Variants in MYO1H observed in about 807,000 individuals in gnomAD.
MYO1H encodes myosin IH.
In MYO1H, 118 loss-of-function variants were observed where a neutral mutation model predicts 149.3. That is an observed-to-expected ratio of 0.79 (90% CI 0.68 to 0.92). The LOEUF is 0.92. MYO1H is among the 40% of genes least tolerant of loss of function. The probability of loss-of-function intolerance (pLI) is 0.00; values close to 1 mark genes in which losing one functional copy is unlikely to be tolerated. For missense variants in MYO1H, 1,212 were observed against 1,280.7 expected, an observed-to-expected ratio of 0.95 and a Z score of 0.82; for synonymous variants, 447 against 465.2, an observed-to-expected ratio of 0.96 and a Z score of 0.50.
At chr12:109,323,109 A>G in the MYO1H span, among the ~76,000 whole-genome samples, 2 of 152,154 alleles carry the variant, frequency 1.3e-5, no homozygotes, top group South Asian at 4.1e-4. Flanking sequence ...TGTCTCAAAA[A>G]CAAAAAACAA....
At position 109,401,375 on chromosome 12, in the gene MYO1H, T is replaced by C. The variant is rs1321885046; in HGVS notation, c.750+103T>C. 4 of 1,198,620 alleles carry C rather than the reference T, an allele frequency of 3.3e-6. No individual in the cohort carries two copies. In the African/African-American group the frequency reaches 6.1e-5, roughly 18 times the overall value. The allele number at this position is 1,198,620 out of a possible 1,614,324, so 74.2% of individuals were successfully genotyped here. A position where few individuals can be genotyped will look rare whatever the true frequency, so the allele number is the denominator to read the frequency against. On this transcript the variant is annotated intron_variant, in intron 6 of 31. Coordinates refer to ENST00000310903, the Ensembl canonical transcript of MYO1H. ...TGTTTGAGACATTCTATTACCATCC[T>C]GCTATGTGTCCTATTGGCTGATTTC...
chr12:109,326,170 G>A, the MYO1H span, among the ~76,000 whole-genome samples: 9 of 152,314 alleles, frequency 5.9e-5, no homozygotes, highest in East Asian at 3.9e-4. Flanking sequence ...CTGGCCTGCC[G>A]GTGCCTGTCC....
intron 1 of MYO1H, among the ~76,000 whole-genome samples, chr12:109,362,019 G>T (rs1868765253): frequency 6.6e-6 from 1 of 151,970 alleles, no homozygotes; most frequent in Non-Finnish European, 1.5e-5. Context: ...CGCAGCCATG[G>T]GAGTCATTAA....
chr12:109,411,211 C>G (rs770957002), intron 13 of MYO1H, among the ~76,000 whole-genome samples: 11 of 152,272 alleles, frequency 7.2e-5, no homozygotes, highest in Non-Finnish European at 1.5e-4. Flanking sequence ...TCAAGCAGTC[C>G]TCCCACATCA....
Position 109,405,981 on chromosome 12 carries a change from C to T in MYO1H, c.909C>T (p.Asp303=), listed in dbSNP as rs768193927. 58 of 1,613,646 alleles carry T rather than the reference C, an allele frequency of 3.6e-5. No homozygotes were observed. The highest frequency in any genetic ancestry group is 1.6e-4 in the South Asian group (15 of 91,076). Residue 303 remains aspartate, a synonymous_variant, in exon 8 of 32, where the codon GAC becomes GAT. Transcript: ENST00000310903. ...TGGGGAACATTGGTTTTGAAGAAGA[C>T]GACCAAGGCTGTGCCACTATCCCAG...
intron 23 of MYO1H, 64 bp from the exon 24 acceptor site, chr12:109,439,567 G>A (rs1872023213): frequency 5.3e-6 from 8 of 1,508,194 alleles, no homozygotes; most frequent in Non-Finnish European, 6.3e-6. Context: ...AAAGAAGGGG[G>A]AAGAGAATGT....
In MYO1H at chr12:109,447,140, A is replaced by T. The variant is rs1420011144; in HGVS notation, c.3094-19A>T. 3 of 1,594,354 alleles carry T rather than the reference A, an allele frequency of 1.9e-6. No individual in the cohort carries two copies. In the Admixed American group the frequency reaches 5.2e-5, roughly 28 times the overall value. On this transcript the variant is annotated intron_variant, in intron 31 of 31. Coordinates refer to ENST00000310903, the Ensembl canonical transcript of MYO1H. ...GGGAGCGGGGAAGGGCTGTAAACCG[A>T]AGTGTGACTCTCTCCCAGGTGTCAG...
Position 109,439,670 on chromosome 12 carries a change from T to A in MYO1H, c.2334T>A (p.Cys778Ter). ...TCATCAGTCGCAACAAACCCCTCTGTCCTGACAACGAGGAATTTATCGTGT... is the reference window on the plus strand; with the variant it reads ...TCATCAGTCGCAACAAACCCCTCTGACCTGACAACGAGGAATTTATCGTGT... Residue 778 changes from cysteine (C) to a stop codon, truncating the protein, a stop_gained, in exon 24 of 32, where the codon TGT becomes TGA. Coordinates refer to ENST00000310903, the Ensembl canonical transcript of MYO1H. LOFTEE classifies it high-confidence loss of function. The A allele has an allele frequency of 6.2e-7, 1 of 1,613,748 alleles. No homozygotes were observed. Among genetic ancestry groups the A allele is most frequent in the East Asian group, 2.2e-5 (1 of 44,886 alleles).
intron 30 of MYO1H, 123 bp from the exon 31 acceptor site, chr12:109,445,388 CTG>C (rs1872436843): frequency 1.4e-6 from 1 of 737,210 alleles, no homozygotes; most frequent in African/African-American, 1.8e-5. Context: ...CAATAAAACA[CTG>C]TAATAAAACA....
At chr12:109,380,435 CT>C (rs1869180879) in intron 1 of MYO1H, among the ~76,000 whole-genome samples, 2 of 152,052 alleles carry the variant, frequency 1.3e-5, no homozygotes, top group African/African-American at 4.8e-5. Flanking sequence ...TCAAGGGAAC[CT>C]AAAAAACACA....
chr12:109,334,064 C>T, the MYO1H span, among the ~76,000 whole-genome samples: 2,125 of 151,954 alleles, frequency 0.014, 16 homozygotes, highest in Non-Finnish European at 0.023. Flanking sequence ...TCGCCCAGGC[C>T]GGAGTACAGT....
intron 1 of MYO1H, among the ~76,000 whole-genome samples, chr12:109,385,201 C>T (rs1227484275): frequency 2.6e-5 from 4 of 151,816 alleles, no homozygotes; most frequent in African/African-American, 7.3e-5. Flanking sequence ...TGGAAATGCT[C>T]GTGTTCCAAC....
At chr12:109,370,118 C>T (rs1868951447) in intron 1 of MYO1H, among the ~76,000 whole-genome samples, 1 of 152,152 alleles carries the variant, frequency 6.6e-6, no homozygotes, top group Admixed American at 6.5e-5. Flanking sequence ...GTGGGAGCTA[C>T]AACTCAAGAT....
At chr12:109,447,189 A>G (rs760468103) in exon 32 of MYO1H, 1 of 1,594,660 alleles carries the variant, frequency 6.3e-7, no homozygotes, top group Non-Finnish European at 8.5e-7. Context: ...CTGATAGAGG[A>G]TGACGTCTGA....
intron 1 of MYO1H, among the ~76,000 whole-genome samples, chr12:109,362,205 G>T (rs987188489): frequency 6.6e-6 from 1 of 152,180 alleles, no homozygotes; most frequent in Admixed American, 6.5e-5. Context: ...ACATAAACAT[G>T]AGCTGTGTGT....
chr12:109,442,796 T>TAG (rs749860118), intron 27 of MYO1H, among the ~76,000 whole-genome samples: 2 of 89,820 alleles, frequency 2.2e-5, no homozygotes, highest in Non-Finnish European at 4.6e-5. Flanking sequence ...GTGTCTGCTC[T>TAG]TTTTTTTTTT....
intron 15 of MYO1H, among the ~76,000 whole-genome samples, chr12:109,418,052 A>C (rs11066529): frequency 0.067 from 10,195 of 151,066 alleles, 378 homozygotes; most frequent in South Asian, 0.11. Flanking sequence ...TCCTGACCTC[A>C]TGATCCACCC....
chr12:109,436,861 C>T (rs767863192), intron 22 of MYO1H, among the ~76,000 whole-genome samples: 3 of 151,962 alleles, frequency 2.0e-5, no homozygotes, highest in Non-Finnish European at 4.4e-5. Context: ...GGCTGAGGCG[C>T]GTGGATTACT....
chr12:109,443,124 ACGTATATATGTG>A (rs1566044947), intron 27 of MYO1H, among the ~76,000 whole-genome samples: 8 of 75,868 alleles, frequency 1.1e-4, no homozygotes, highest in African/African-American at 3.5e-4. Flanking sequence ...GTATATGTGT[ACGTATATATGTG>A]TGTATATGTG....
Sources: gnomAD v4.1 joint callset for allele counts (sites outside exome capture counted in the v4.1 genomes callset) on GRCh38, gnomAD v4.1.1 for gene constraint, MANE v1.5 for transcripts, NCBI Gene and HGNC (gene_info 2026-07-23, HGNC 2026-07-21) for gene names.